The following CAMTA1 variants were observed in gnomAD, a reference collection of about 807,000 sequenced individuals.
CAMTA1 encodes calmodulin binding transcription activator 1, also known as calmodulin-binding transcription activator 1.
Under a neutral mutation model 170.9 loss-of-function variants are expected in CAMTA1, and 27 were observed. The observed-to-expected ratio is 0.16, with a 90% CI of 0.12 to 0.22. The LOEUF is 0.22. Ranked by LOEUF, CAMTA1 falls within the 10% of genes least tolerant of loss-of-function variation. The pLI is 1.00. For synonymous variants in CAMTA1, 833 were observed against 891.5 expected, an observed-to-expected ratio of 0.93 and a Z score of 1.17; for missense variants, 1,619 against 2,217.2, an observed-to-expected ratio of 0.73 and a Z score of 5.42.
chr1:7,310,029 T>G (rs1676220627), intron 5 of CAMTA1, among the ~76,000 whole-genome samples: 1 of 152,210 alleles, frequency 6.6e-6, no homozygotes, highest in Non-Finnish European at 1.5e-5. Flanking sequence ...TGTTCCAAAC[T>G]TACTTCTGGT....
intron 6 of CAMTA1, among the ~76,000 whole-genome samples, chr1:7,473,735 C>G (rs1365076431): frequency 6.6e-6 from 1 of 152,250 alleles, no homozygotes; most frequent in African/African-American, 2.4e-5. Flanking sequence ...AGAGAGTAGG[C>G]CGTGAGCCCT....
At chr1:7,246,864 C>T (rs1665892524) in intron 4 of CAMTA1, among the ~76,000 whole-genome samples, 1 of 152,032 alleles carries the variant, frequency 6.6e-6, no homozygotes, top group African/African-American at 2.4e-5. Context: ...GGTGGGGTTT[C>T]ACCATGTTGG....
chr1:7,203,274 T>C (rs766295037), intron 4 of CAMTA1, among the ~76,000 whole-genome samples: 3 of 152,186 alleles, frequency 2.0e-5, no homozygotes, highest in Non-Finnish European at 4.4e-5. Flanking sequence ...GATTTTTTTA[T>C]CCATACCCAT....
chr1:7,704,591 C>T (rs2096485892), intron 11 of CAMTA1, among the ~76,000 whole-genome samples: 1 of 148,776 alleles, frequency 6.7e-6, no homozygotes, highest in Admixed American at 6.7e-5. Flanking sequence ...GCGCCCCGCA[C>T]CAGCCTCTGC....
intron 3 of CAMTA1, chr1:6,872,006 C>A: frequency 1.7e-6 from 2 of 1,185,270 alleles, no homozygotes; most frequent in Non-Finnish European, 2.1e-6. Context: ...AAATTCATTT[C>A]AGTTTTAAAA....
chr1:7,632,275 C>G (rs2148867572), intron 6 of CAMTA1, among the ~76,000 whole-genome samples: 1 of 152,370 alleles, frequency 6.6e-6, no homozygotes, highest in South Asian at 2.1e-4. Flanking sequence ...CGTCTCCCTC[C>G]TATCCGGCTG....
At chr1:7,104,423 A>G (rs2148307166) in intron 4 of CAMTA1, among the ~76,000 whole-genome samples, 1 of 152,202 alleles carries the variant, frequency 6.6e-6, no homozygotes, top group South Asian at 2.1e-4. Context: ...TTCTCTTGTA[A>G]GAAGTCTCTG....
intron 6 of CAMTA1, among the ~76,000 whole-genome samples, chr1:7,483,262 C>T (rs2093566771): frequency 6.6e-6 from 1 of 152,200 alleles, no homozygotes; most frequent in Non-Finnish European, 1.5e-5. Flanking sequence ...GGGAGGAAAT[C>T]AGGAGTCCTG....
intron 6 of CAMTA1, among the ~76,000 whole-genome samples, chr1:7,489,357 C>T (rs1366679572): frequency 1.3e-5 from 2 of 152,194 alleles, no homozygotes; most frequent in Non-Finnish European, 2.9e-5. Context: ...GGGAAGGAAA[C>T]AGCTGTCAGG....
intron 3 of CAMTA1, among the ~76,000 whole-genome samples, chr1:7,088,490 C>G (rs933668372): frequency 6.6e-6 from 1 of 152,160 alleles, no homozygotes; most frequent in Non-Finnish European, 1.5e-5. Context: ...GGTCCTGTTC[C>G]CTTTCTGGTA....
chr1:7,029,243 T>A (rs778233906), intron 3 of CAMTA1, among the ~76,000 whole-genome samples: 24 of 152,048 alleles, frequency 1.6e-4, no homozygotes, highest in Non-Finnish European at 3.1e-4. Context: ...GGCTCACGCC[T>A]GTAATCCCAG....
chr1:7,391,925 G>A (rs1239611411), intron 5 of CAMTA1, among the ~76,000 whole-genome samples: 4 of 152,080 alleles, frequency 2.6e-5, no homozygotes, highest in Non-Finnish European at 5.9e-5. Context: ...AAGGATGTCT[G>A]GGCTGTTTCC....
rs139839670 is a variant in CAMTA1, at chr1:7,745,926, C to T, written c.4452C>T (p.Phe1484=). 2.5e-4 allele frequency: 410 copies of T among 1,614,190 alleles called. No homozygotes were observed. Among genetic ancestry groups the T allele is most frequent in the Middle Eastern group, 4.9e-4 (3 of 6,062 alleles). ...PVGSPVSEIA[F]EKPNLPSAAD... is the part of the protein sequence containing the mutation. ...GCTCTCCCGTCAGTGAAATCGCTTT[C>T]GAGAAACCTAACCTTCCCTCCGCCG... Residue 1484 remains phenylalanine (F), a synonymous_variant, in exon 18 of 23, where the codon TTC becomes TTT. Transcript: ENST00000303635.
intron 3 of CAMTA1, among the ~76,000 whole-genome samples, chr1:6,948,456 C>G (rs1243092219): frequency 1.3e-5 from 2 of 152,204 alleles, no homozygotes; most frequent in Non-Finnish European, 2.9e-5. Flanking sequence ...TGAGGGCTTT[C>G]TCATCAGTGT....
intron 9 of CAMTA1, among the ~76,000 whole-genome samples, chr1:7,666,399 C>T (rs1369659472): frequency 2.0e-5 from 3 of 152,188 alleles, no homozygotes; most frequent in Admixed American, 6.5e-5. Context: ...CTCCCCCAGC[C>T]CCCAGGCCGC....
At chr1:7,668,435 AC>A (rs113136864) in intron 9 of CAMTA1, among the ~76,000 whole-genome samples, 17 of 120,668 alleles carry the variant, frequency 1.4e-4, no homozygotes, top group African/African-American at 3.7e-4. Flanking sequence ...ACACACACCC[AC>A]CACACACCCC....
At chr1:6,978,896 AG>A (rs1483414773) in intron 3 of CAMTA1, among the ~76,000 whole-genome samples, 1 of 152,120 alleles carries the variant, frequency 6.6e-6, no homozygotes, top group African/African-American at 2.4e-5. Context: ...GGATGAGCAT[AG>A]AAGAGACAAC....
At chr1:6,986,649 C>T (rs1695406707) in intron 3 of CAMTA1, among the ~76,000 whole-genome samples, 1 of 152,042 alleles carries the variant, frequency 6.6e-6, no homozygotes, top group Non-Finnish European at 1.5e-5. Flanking sequence ...AGAGAAATGC[C>T]ATCTTCTGGT....
chr1:6,848,168 G>C (rs1008499436), intron 3 of CAMTA1, among the ~76,000 whole-genome samples: 2 of 149,650 alleles, frequency 1.3e-5, no homozygotes, highest in Non-Finnish European at 3.0e-5. Flanking sequence ...AGATTTTTTT[G>C]TTGTTGTTTT....
Sources: allele counts gnomAD v4.1 joint callset (sites outside exome capture counted in the v4.1 genomes callset), GRCh38; gene constraint gnomAD v4.1.1; transcripts MANE v1.5; gene names NCBI Gene and HGNC (gene_info 2026-07-23, HGNC 2026-07-21).